UNC13C: variants seen among roughly 807,000 people sequenced by gnomAD.
The protein encoded by UNC13C is unc-13 homolog C.
A neutral mutation model predicts 245.4 loss-of-function variants in UNC13C; 174 were observed. That is an observed-to-expected ratio of 0.71 (90% CI 0.63 to 0.80). The LOEUF is 0.80. Ranked by LOEUF, UNC13C falls within the 30% of genes least tolerant of loss-of-function variation. The pLI is 0.00. For synonymous variants in UNC13C, 992 were observed against 895.1 expected (o/e 1.11, Z -1.93); for missense variants, 2,829 against 2,602.9 (o/e 1.09, Z -1.89).
chr15:54,190,676 T>C (rs1402873862), intron 4 of UNC13C, among the ~76,000 whole-genome samples: 2 of 152,116 alleles, frequency 1.3e-5, no homozygotes, highest in African/African-American at 4.8e-5. Context: ...TCATATTTTA[T>C]TACTAAATAT....
intron 2 of UNC13C, among the ~76,000 whole-genome samples, chr15:54,100,621 A>C (rs1197873019): frequency 6.6e-6 from 1 of 151,934 alleles, no homozygotes; most frequent in Non-Finnish European, 1.5e-5. Flanking sequence ...CTCCACTCTG[A>C]GCTTAGTACG....
the UNC13C span, among the ~76,000 whole-genome samples, chr15:53,903,713 G>T: frequency 1.3e-5 from 2 of 152,308 alleles, no homozygotes; most frequent in Non-Finnish European, 2.9e-5. Flanking sequence ...GCAGTAGACA[G>T]TATCTTCTCG....
At position 54,014,861 on chromosome 15, in the gene UNC13C, A is replaced by T. The variant is rs532658962; in HGVS notation, c.1958A>T (p.Asp653Val). The T allele has an allele frequency of 1.2e-6, 2 of 1,613,922 alleles. No homozygotes were observed. Among genetic ancestry groups the T allele is most frequent in the Non-Finnish European group, 1.7e-6 (2 of 1,179,842 alleles). The stretch of plus-strand genomic sequence containing the variant: ...GATTCTCAGCTCTCTTTACATGAGG[A>T]TCTTTCTCCATGGAAGGAATGGAAT... ...YSDSQLSLHE[D>V]LSPWKEWNQG... Residue 653 changes from aspartate to valine, a missense_variant, in exon 2 of 33, where the codon GAT becomes GTT. Coordinates refer to ENST00000260323, the MANE Select transcript of UNC13C (RefSeq NM_001080534.3).
intron 2 of UNC13C, among the ~76,000 whole-genome samples, chr15:54,056,827 T>C (rs59196165): frequency 0.016 from 2,459 of 152,266 alleles, 73 homozygotes; most frequent in African/African-American, 0.057. Flanking sequence ...AAGAAAAGAA[T>C]TTTCAACCCA....
intron 10 of UNC13C, among the ~76,000 whole-genome samples, chr15:54,276,551 T>C (rs1274558275): frequency 6.6e-6 from 1 of 152,104 alleles, no homozygotes; most frequent in Non-Finnish European, 1.5e-5. Context: ...TCATGTGCAT[T>C]TACATCCTTA....
intron 2 of UNC13C, among the ~76,000 whole-genome samples, chr15:54,128,572 A>T (rs968121156): frequency 2.0e-5 from 3 of 152,168 alleles, no homozygotes; most frequent in African/African-American, 7.2e-5. Context: ...AAACCTGAAC[A>T]GTTAGGGTGT....
chr15:54,608,296 C>T (rs1899886255), intron 30 of UNC13C, among the ~76,000 whole-genome samples: 2 of 152,150 alleles, frequency 1.3e-5, no homozygotes, highest in African/African-American at 4.8e-5. Context: ...GTAATTTCAA[C>T]CAGTGTCACC....
intron 30 of UNC13C, among the ~76,000 whole-genome samples, chr15:54,571,020 C>T (rs1185184395): frequency 6.6e-6 from 1 of 152,120 alleles, no homozygotes; most frequent in Admixed American, 6.5e-5. Context: ...CCTTTGTATT[C>T]CATTGGTGCT....
chr15:53,918,787 C>T, the UNC13C span, among the ~76,000 whole-genome samples: 1 of 152,172 alleles, frequency 6.6e-6, no homozygotes, highest in Non-Finnish European at 1.5e-5. Context: ...CATCAGAGAG[C>T]CTCTCTCCCC....
chr15:54,103,545 A>G (rs1228568316), intron 2 of UNC13C, among the ~76,000 whole-genome samples: 3 of 152,214 alleles, frequency 2.0e-5, no homozygotes, highest in Non-Finnish European at 4.4e-5. Context: ...TATTTTTGTC[A>G]GTGCAAACCC....
intron 29 of UNC13C, among the ~76,000 whole-genome samples, chr15:54,563,208 C>T (rs1897367457): frequency 6.6e-6 from 1 of 151,944 alleles, no homozygotes; most frequent in Non-Finnish European, 1.5e-5. Flanking sequence ...TTTTGTCATC[C>T]AATGTAACAA....
At chr15:54,247,449 C>A (rs762760170) in intron 7 of UNC13C, among the ~76,000 whole-genome samples, 25 of 152,152 alleles carry the variant, frequency 1.6e-4, no homozygotes, top group Middle Eastern at 3.4e-3. Flanking sequence ...TATGCTTTTC[C>A]TACCTATTAA....
At chr15:54,134,748 G>A (rs980544814) in intron 2 of UNC13C, among the ~76,000 whole-genome samples, 3 of 151,948 alleles carry the variant, frequency 2.0e-5, no homozygotes, top group Admixed American at 2.0e-4. Context: ...TTTATACCTT[G>A]GCTATAGTGA....
At chr15:53,917,450 C>G in the UNC13C span, among the ~76,000 whole-genome samples, 2 of 152,160 alleles carry the variant, frequency 1.3e-5, no homozygotes. Context: ...GAAGGAACTC[C>G]TAAAAGTGAG....
chr15:54,582,564 C>T (rs1566922544), intron 30 of UNC13C, among the ~76,000 whole-genome samples: 1 of 151,840 alleles, frequency 6.6e-6, no homozygotes, highest in East Asian at 1.9e-4. Flanking sequence ...AAGCAAAGGC[C>T]CAGAATGAGG....
intron 2 of UNC13C, among the ~76,000 whole-genome samples, chr15:54,069,341 C>T (rs16974021): frequency 0.021 from 3,171 of 152,266 alleles, 113 homozygotes; most frequent in African/African-American, 0.073. Context: ...CGTGTACTGT[C>T]TCCTTTGTAT....
chr15:54,486,396 G>A (rs1383495604), intron 19 of UNC13C, among the ~76,000 whole-genome samples: 3 of 149,102 alleles, frequency 2.0e-5, no homozygotes, highest in Non-Finnish European at 4.4e-5. Flanking sequence ...CCAAGATCAC[G>A]CCACTGCACT....
intron 1 of UNC13C, among the ~76,000 whole-genome samples, chr15:54,004,414 T>A (rs1895045504): frequency 6.6e-6 from 1 of 152,244 alleles, no homozygotes; most frequent in Admixed American, 6.5e-5. Context: ...AATCTGTTGA[T>A]GGACACTTAG....
chr15:54,015,465 G>A lies in UNC13C; in HGVS notation c.2562G>A (p.Thr854=), dbSNP rs769376030. 1.5e-5 allele frequency: 25 copies of A among 1,613,306 alleles called. No homozygotes were observed. In the South Asian group the frequency reaches 1.6e-4, roughly 11 times the overall value. ...SSTTLDSDVY[T]EPYYYKAEDE... is the part of the protein sequence containing the mutation. The stretch of plus-strand genomic sequence containing the variant: ...CCACACTTGACTCTGATGTCTACAC[G>A]GAGCCCTATTACTATAAAGCAGAGG... Residue 854 remains threonine, a synonymous_variant, in exon 2 of 33, where the codon ACG becomes ACA. Transcript: ENST00000260323.
Sources: gnomAD v4.1 joint callset for allele counts (sites outside exome capture counted in the v4.1 genomes callset) on GRCh38, gnomAD v4.1.1 for gene constraint, MANE v1.5 for transcripts, NCBI Gene and HGNC (gene_info 2026-07-23, HGNC 2026-07-21) for gene names.